Variants in SYTL2 observed in about 807,000 individuals in gnomAD.
SYTL2 encodes the protein synaptotagmin-like protein 2.
In SYTL2, 165 loss-of-function variants were observed where a neutral mutation model predicts 198.7. That is an observed-to-expected ratio of 0.83 (90% confidence interval 0.73 to 0.94). SYTL2 has a LOEUF of 0.94. Among genes scored for constraint, SYTL2 ranks in the 40% least tolerant of loss-of-function variants. The pLI is 0.00. For synonymous variants in SYTL2, 966 were observed against 917.7 expected (o/e 1.05, Z -0.95); for missense variants, 2,835 against 2,582.8 (o/e 1.10, Z -2.12).
At chr11:85,844,429 T>G in the SYTL2 span, among the ~76,000 whole-genome samples, 18 of 152,342 alleles carry the variant, frequency 1.2e-4, no homozygotes, top group South Asian at 2.1e-3. Context: ...TATTTTCCTT[T>G]CCATAAACAC....
At chr11:85,719,479 T>A in intron 9 of SYTL2, 1 of 261,962 alleles carries the variant, frequency 3.8e-6, no homozygotes, top group Non-Finnish European at 6.0e-6. Flanking sequence ...GGCAAGAGGT[T>A]TGCTAAATGG....
chr11:85,830,791 C>T, the SYTL2 span, among the ~76,000 whole-genome samples: 2 of 152,174 alleles, frequency 1.3e-5, no homozygotes, highest in Non-Finnish European at 2.9e-5. Context: ...GCAGCAGAAA[C>T]TTACTCATTA....
In SYTL2 at chr11:85,726,880, T is replaced by C. The variant is rs1165462001; in HGVS notation, c.2478A>G (p.Ala826=). The C allele has an allele frequency of 8.5e-6, 13 of 1,536,550 alleles. No homozygotes were observed. Among genetic ancestry groups the C allele is most frequent in the Non-Finnish European group, 1.1e-5 (13 of 1,147,014 alleles). ...CCTGTGACTTCTTCACAGGCTGATA[T>C]GCTTTAGCAGAAGGTTGTTCCTGGC... is the stretch of plus-strand genomic sequence containing the variant. The part of the protein sequence containing the change: ...SCSQEQPSAK[A]YQPVKKSQGV... The change falls in exon 8 of 20, where the codon GCA becomes GCG. Residue 826 remains alanine, a synonymous_variant. Coordinates refer to ENST00000359152, the MANE Select transcript of SYTL2 (RefSeq NM_206927.4).
intron 13 of SYTL2, among the ~76,000 whole-genome samples, chr11:85,710,791 C>T (rs1026515929): frequency 2.6e-5 from 4 of 152,150 alleles, no homozygotes; most frequent in Non-Finnish European, 4.4e-5. Context: ...ATATCTGATA[C>T]AAGCAGATTT....
intron 1 of SYTL2, among the ~76,000 whole-genome samples, chr11:85,789,775 G>A (rs1009953827): frequency 3.3e-5 from 5 of 151,964 alleles, no homozygotes; most frequent in African/African-American, 7.3e-5. Flanking sequence ...AACAGATTCC[G>A]AACAAATGTG....
chr11:85,700,484 A>C (rs1197939005), intron 17 of SYTL2, 31 bp downstream of exon 17: 1 of 1,536,760 alleles, frequency 6.5e-7, no homozygotes, highest in African/African-American at 1.4e-5. Flanking sequence ...TAAGGAAAGG[A>C]CATAAATCTG....
At chr11:85,767,594 G>C (rs2092268345) in intron 1 of SYTL2, among the ~76,000 whole-genome samples, 1 of 152,106 alleles carries the variant, frequency 6.6e-6, no homozygotes, top group African/African-American at 2.4e-5. Flanking sequence ...CCTCACTTTT[G>C]GTACAATCAC....
the SYTL2 span, among the ~76,000 whole-genome samples, chr11:85,829,874 C>A: frequency 0.027 from 4,067 of 152,210 alleles, 183 homozygotes; most frequent in African/African-American, 0.094. Flanking sequence ...AGTAAAATTT[C>A]TTTGGAAGAA....
At chr11:85,740,275 C>T (rs1265465922) in intron 4 of SYTL2, among the ~76,000 whole-genome samples, 1 of 152,174 alleles carries the variant, frequency 6.6e-6, no homozygotes, top group Non-Finnish European at 1.5e-5. Flanking sequence ...CCTGACTCTG[C>T]TATTTCCACT....
chr11:85,796,349 T>C (rs539893259), intron 1 of SYTL2, among the ~76,000 whole-genome samples: 14 of 152,206 alleles, frequency 9.2e-5, no homozygotes, highest in Admixed American at 8.5e-4. Flanking sequence ...TAACACGATA[T>C]ATGCTCTGAC....
chr11:85,822,259 T>C, the SYTL2 span, among the ~76,000 whole-genome samples: 1 of 152,150 alleles, frequency 6.6e-6, no homozygotes, highest in Non-Finnish European at 1.5e-5. Flanking sequence ...GGACTCCTAG[T>C]CATGGGGTCT....
the SYTL2 span, among the ~76,000 whole-genome samples, chr11:85,848,884 GAAGT>G: frequency 2.6e-5 from 4 of 152,062 alleles, no homozygotes; most frequent in African/African-American, 9.7e-5. Context: ...TTAGGCAGAC[GAAGT>G]AAGAAGGAAA....
chr11:85,826,181 T>A, the SYTL2 span, among the ~76,000 whole-genome samples: 2 of 152,142 alleles, frequency 1.3e-5, no homozygotes, highest in East Asian at 3.9e-4. Flanking sequence ...TTTGGCCAGA[T>A]CCCCAGGTGA....
the SYTL2 span, among the ~76,000 whole-genome samples, chr11:85,844,203 C>A: frequency 1.3e-5 from 2 of 152,156 alleles, no homozygotes; most frequent in South Asian, 4.1e-4. Flanking sequence ...GTAAATTTGC[C>A]TTTTGTAGAC....
chr11:85,719,085 A>G (rs1451565621), intron 9 of SYTL2: 1 of 1,494,668 alleles, frequency 6.7e-7, no homozygotes, highest in South Asian at 1.2e-5. Flanking sequence ...CAGACTCCCA[A>G]GGGTTAGAGG....
chr11:85,725,714 T>G lies in SYTL2; in HGVS notation c.3644A>C (p.Lys1215Thr). The G allele has an allele frequency of 9.3e-6, 15 of 1,614,042 alleles. No individual in the cohort carries two copies. Among genetic ancestry groups the G allele is most frequent in the Non-Finnish European group, 1.3e-5 (15 of 1,179,950 alleles). Residue 1215 changes from lysine to threonine, a missense_variant, in exon 8 of 20, where the codon AAA (lysine) becomes ACA (threonine). Around this residue, in one of 3 missense-constraint regions of SYTL2, gnomAD observed 2,645 missense variants for 2,381.7 expected, o/e 1.11. Transcript: ENST00000359152. ...AGTTCCAGTTGCTTCCTTCAGGAGT[T>G]TGTCTAGACTAGCAGTCAAAGAGTT... ...KRNSLTASLDKLLKEATGTSP... is the reference protein window; with the variant it reads ...KRNSLTASLDTLLKEATGTSP...
chr11:85,733,250 C>T (rs1348188671), intron 7 of SYTL2, among the ~76,000 whole-genome samples: 2 of 152,182 alleles, frequency 1.3e-5, no homozygotes, highest in Non-Finnish European at 2.9e-5. Flanking sequence ...AATAAATTTG[C>T]ATTAGGTGAG....
chr11:85,846,849 T>A, the SYTL2 span, among the ~76,000 whole-genome samples: 1 of 148,654 alleles, frequency 6.7e-6, no homozygotes, highest in Non-Finnish European at 1.5e-5. Flanking sequence ...TTCTCCTACC[T>A]CAGCCTCCCA....
intron 1 of SYTL2, among the ~76,000 whole-genome samples, chr11:85,777,344 C>T (rs1276138380): frequency 1.3e-5 from 2 of 152,158 alleles, no homozygotes; most frequent in Non-Finnish European, 2.9e-5. Flanking sequence ...GCACTCTTGA[C>T]CATTACCAAA....
Sources: gnomAD v4.1 joint callset for allele counts (sites outside exome capture counted in the v4.1 genomes callset) on GRCh38, gnomAD v4.1.1 for gene constraint, gnomAD v4.1.1 regional missense constraint, MANE v1.5 for transcripts, NCBI Gene and HGNC (gene_info 2026-07-23, HGNC 2026-07-21) for gene names.